Variants in RYR2 observed in about 807,000 individuals in gnomAD.
RYR2 encodes the protein ryanodine receptor 2, also known as cardiac muscle ryanodine receptor-calcium release channel.
RYR2 carries 227 observed loss-of-function variants against 601.1 expected under a neutral mutation model. The observed-to-expected ratio is 0.38, with a 90% CI of 0.34 to 0.42. RYR2 has a LOEUF of 0.42. Among genes scored for constraint, RYR2 ranks in the 10% least tolerant of loss-of-function variants. The probability of loss-of-function intolerance (pLI) is 1.00; values close to 1 mark genes in which losing one functional copy is unlikely to be tolerated. For synonymous variants in RYR2, 2,223 were observed against 2,175.1 expected (o/e 1.02, Z -0.61); for missense variants, 4,646 against 6,156.5 (o/e 0.75, Z 8.21).
At chr1:237,720,035 T>A (rs1689591610) in intron 73 of RYR2, among the ~76,000 whole-genome samples, 1 of 152,258 alleles carries the variant, frequency 6.6e-6, no homozygotes, top group African/African-American at 2.4e-5. Flanking sequence ...ACCTACTTTT[T>A]AATGGTGGGT....
Position 237,720,103 on chromosome 1 carries a change from A to G in RYR2, c.10554+1582A>G, listed in dbSNP as rs556758333. On this transcript the variant is annotated intron_variant, in intron 73 of 104. Coordinates refer to ENST00000366574, the MANE Select transcript of RYR2 (RefSeq NM_001035.3). ...AGTGACCATTTACTATTATTTGGAA[A>G]TTTTTTATACCATTGAATAAATTAT... 2.8e-4 allele frequency among the ~76,000 whole-genome samples: 42 copies of G among 152,316 alleles called. 1 individual carries two copies. In the East Asian group the frequency reaches 7.5e-3, roughly 27 times the overall value.
At chr1:237,501,904 G>C (rs565619813) in intron 21 of RYR2, among the ~76,000 whole-genome samples, 1 of 152,328 alleles carries the variant, frequency 6.6e-6, no homozygotes, top group East Asian at 1.9e-4. Flanking sequence ...ACTTTGGGAG[G>C]CCGAGGTGGA....
chr1:237,132,557 C>T (rs961372211), intron 1 of RYR2, among the ~76,000 whole-genome samples: 10 of 152,114 alleles, frequency 6.6e-5, no homozygotes, highest in African/African-American at 2.4e-4. Flanking sequence ...AATTGGTGAA[C>T]TTGAAGAGAG....
intron 1 of RYR2, among the ~76,000 whole-genome samples, chr1:237,216,459 T>G (rs1683161876): frequency 6.6e-6 from 1 of 151,886 alleles, no homozygotes; most frequent in Non-Finnish European, 1.5e-5. Context: ...TAATATGGGC[T>G]AGGAGCGGTG....
At chr1:237,342,176 T>C (rs1446276757) in intron 3 of RYR2, among the ~76,000 whole-genome samples, 1 of 151,926 alleles carries the variant, frequency 6.6e-6, no homozygotes, top group Non-Finnish European at 1.5e-5. Context: ...TTGAGTTAAT[T>C]CTTGCTCTGT....
At position 237,663,400 on chromosome 1, in the gene RYR2, T is replaced by C. The variant is rs368176535; in HGVS notation, c.8436+2453T>C. Among the ~76,000 whole-genome samples, 163 of 152,318 alleles carry C rather than the reference T, an allele frequency of 1.1e-3. 4 individuals are homozygous for C. The South Asian group carries it at 0.033, about 31-fold the overall frequency. On this transcript the variant is annotated intron_variant, in intron 56 of 104. Coordinates refer to ENST00000366574, the MANE Select transcript of RYR2 (RefSeq NM_001035.3). The stretch of plus-strand genomic sequence containing the variant: ...AATACAAATGGATGAGTGAAGATCA[T>C]GTGTAGATGTGATTCTGAGCCTGAA...
chr1:237,230,535 TTATC>T (rs1179840916), intron 1 of RYR2, among the ~76,000 whole-genome samples: 1 of 152,194 alleles, frequency 6.6e-6, no homozygotes, highest in Non-Finnish European at 1.5e-5. Context: ...AGAAACTAGG[TTATC>T]TTTTTACCAA....
chr1:237,046,022 C>A (rs1433266773), intron 1 of RYR2, among the ~76,000 whole-genome samples: 1 of 151,918 alleles, frequency 6.6e-6, no homozygotes, highest in South Asian at 2.1e-4. Flanking sequence ...TAAGAATGAT[C>A]CTGATAGGAA....
At chr1:237,201,656 A>G (rs1161877199) in intron 1 of RYR2, among the ~76,000 whole-genome samples, 1 of 151,938 alleles carries the variant, frequency 6.6e-6, no homozygotes, top group African/African-American at 2.4e-5. Context: ...CATTATCATC[A>G]TTACTGAGGT....
chr1:237,529,325 A>C (rs1667887530), intron 24 of RYR2, among the ~76,000 whole-genome samples: 1 of 152,118 alleles, frequency 6.6e-6, no homozygotes. Flanking sequence ...CTAGAAAGAT[A>C]ATTTCATGGG....
chr1:237,284,311 C>T (rs1029234854), intron 2 of RYR2, among the ~76,000 whole-genome samples: 4 of 149,558 alleles, frequency 2.7e-5, no homozygotes, highest in South Asian at 2.1e-4. Flanking sequence ...AACTGGGAGG[C>T]GGACGTTGCA....
At chr1:237,216,339 A>G (rs1320157671) in intron 1 of RYR2, among the ~76,000 whole-genome samples, 1 of 152,214 alleles carries the variant, frequency 6.6e-6, no homozygotes, top group Non-Finnish European at 1.5e-5. Flanking sequence ...AAAATTATCT[A>G]TGATTTTTTA....
chr1:237,056,444 A>C (rs35928205), intron 1 of RYR2, among the ~76,000 whole-genome samples: 568 of 52,956 alleles, frequency 0.011, no homozygotes, highest in Middle Eastern at 0.089. Context: ...GAGCACTGCA[A>C]CTGTGAGGAC....
intron 14 of RYR2, among the ~76,000 whole-genome samples, chr1:237,447,917 C>A (rs1287328351): frequency 6.7e-6 from 1 of 148,534 alleles, no homozygotes; most frequent in Non-Finnish European, 1.5e-5. Flanking sequence ...CTTTCCCCTC[C>A]CCTTTCCTCC....
At chr1:237,193,870 C>T (rs1405427102) in intron 1 of RYR2, among the ~76,000 whole-genome samples, 3 of 152,098 alleles carry the variant, frequency 2.0e-5, no homozygotes, top group Non-Finnish European at 4.4e-5. Flanking sequence ...CACTTTTTTT[C>T]CTCACTGCAT....
intron 1 of RYR2, among the ~76,000 whole-genome samples, chr1:237,146,839 G>A (rs2490371): frequency 0.6 from 91,232 of 151,278 alleles, 28,162 homozygotes; most frequent in Non-Finnish European, 0.67. Flanking sequence ...TTTTAAAAAA[G>A]AGATTATAGT....
At chr1:237,680,291 G>A (rs900660921) in intron 61 of RYR2, among the ~76,000 whole-genome samples, 165 bp from the exon 62 acceptor site, 4 of 152,168 alleles carry the variant, frequency 2.6e-5, no homozygotes, top group African/African-American at 7.2e-5. Flanking sequence ...TGTGGCTGGA[G>A]ACGGTAGAGT....
At chr1:237,376,987 G>A (rs542476237) in intron 7 of RYR2, among the ~76,000 whole-genome samples, 69 of 152,120 alleles carry the variant, frequency 4.5e-4, no homozygotes, top group Non-Finnish European at 9.0e-4. Context: ...GAAAGGAATT[G>A]GACAGTATAA....
intron 1 of RYR2, among the ~76,000 whole-genome samples, chr1:237,203,907 T>G (rs1301494148): frequency 6.6e-6 from 1 of 152,162 alleles, no homozygotes; most frequent in African/African-American, 2.4e-5. Flanking sequence ...TAGATTAGTT[T>G]TCCTTGTTCT....
Sources: gnomAD v4.1 joint callset for allele counts (sites outside exome capture counted in the v4.1 genomes callset) on GRCh38, gnomAD v4.1.1 for gene constraint, MANE v1.5 for transcripts, NCBI Gene and HGNC (gene_info 2026-07-23, HGNC 2026-07-21) for gene names.